Variants in XRN1 observed in about 807,000 individuals in gnomAD.
The protein encoded by XRN1 is 5'-3' exoribonuclease 1, also known as strand-exchange protein 1 homolog.
Under a neutral mutation model 222.3 loss-of-function variants are expected in XRN1, and 67 were observed. The ratio of observed to expected loss-of-function variants is 0.30; its 90% CI spans 0.25 to 0.37. XRN1 has a LOEUF of 0.37. Ranked by LOEUF, XRN1 falls within the 10% of genes least tolerant of loss-of-function variation. The pLI is 1.00. For missense variants in XRN1, 1,707 were observed against 2,000.2 expected, an observed-to-expected ratio of 0.85 and a Z score of 2.80; for synonymous variants, 643 against 652.4, an observed-to-expected ratio of 0.99 and a Z score of 0.22.
chr3:142,335,884 C>A (rs899519935), intron 33 of XRN1, among the ~76,000 whole-genome samples: 4 of 152,128 alleles, frequency 2.6e-5, no homozygotes, highest in African/African-American at 9.7e-5. Flanking sequence ...CCATAATCTG[C>A]AAGTCACTGA....
chr3:142,340,876 C>G (rs566011916), intron 33 of XRN1, among the ~76,000 whole-genome samples: 1 of 152,182 alleles, frequency 6.6e-6, no homozygotes, highest in East Asian at 1.9e-4. Flanking sequence ...CAAACAAAAG[C>G]TGAGGAATTT....
chr3:142,345,839 C>T (rs1453218825), intron 33 of XRN1, among the ~76,000 whole-genome samples: 1 of 152,098 alleles, frequency 6.6e-6, no homozygotes, highest in Non-Finnish European at 1.5e-5. Context: ...AAGAACATTC[C>T]ACCTCACACC....
At chr3:142,325,438 A>T (rs549754426) in intron 37 of XRN1, among the ~76,000 whole-genome samples, 2 of 152,178 alleles carry the variant, frequency 1.3e-5, no homozygotes, top group Non-Finnish European at 2.9e-5. Context: ...TTAAAAATTC[A>T]ACTTTTGTTT....
At chr3:142,364,266 G>A (rs1296397670) in intron 29 of XRN1, among the ~76,000 whole-genome samples, 1 of 152,196 alleles carries the variant, frequency 6.6e-6, no homozygotes, top group Non-Finnish European at 1.5e-5. Context: ...TTCGGTGCCT[G>A]GGATATATAT....
intron 20 of XRN1, among the ~76,000 whole-genome samples, chr3:142,387,454 T>C (rs1577342483): frequency 6.6e-6 from 1 of 152,206 alleles, no homozygotes; most frequent in Non-Finnish European, 1.5e-5. Flanking sequence ...AATATACTTA[T>C]GATTAATACA....
chr3:142,396,853 A>G (rs1053247224), intron 20 of XRN1, among the ~76,000 whole-genome samples: 10 of 152,136 alleles, frequency 6.6e-5, no homozygotes, highest in Non-Finnish European at 8.8e-5. Flanking sequence ...TGATCCTGAA[A>G]ACCAACATTC....
At chr3:142,323,896 CATA>C (rs2065435777) in intron 37 of XRN1, among the ~76,000 whole-genome samples, 1 of 151,362 alleles carries the variant, frequency 6.6e-6, no homozygotes, top group African/African-American at 2.4e-5. Flanking sequence ...TTTATGAATA[CATA>C]ATAATTATAA....
At chr3:142,405,146 C>A (rs2068295679) in intron 15 of XRN1, 70 bp from the exon 16 acceptor site, 1 of 1,474,028 alleles carries the variant, frequency 6.8e-7, no homozygotes, top group African/African-American at 1.4e-5. Context: ...CAGAATAAGT[C>A]TTTTTCCTCC....
At chr3:142,439,931 T>C (rs975049351) in intron 1 of XRN1, among the ~76,000 whole-genome samples, 1 of 152,168 alleles carries the variant, frequency 6.6e-6, no homozygotes, top group African/African-American at 2.4e-5. Flanking sequence ...TCCATGCCCC[T>C]TATGTCAAGG....
intron 37 of XRN1, among the ~76,000 whole-genome samples, chr3:142,326,156 A>ATT (rs746915146): frequency 1.4e-5 from 2 of 139,920 alleles, no homozygotes; most frequent in Non-Finnish European, 3.1e-5. Context: ...AAATTTTAGG[A>ATT]TTTTTTTTTT....
Position 142,375,790 on chromosome 3 carries a change from G to A in XRN1, c.2978+8C>T, listed in dbSNP as rs1022459849. 8.1e-6 allele frequency: 13 copies of A among 1,610,398 alleles called. No homozygotes were observed. The African/African-American group carries it at 1.5e-4, about 18-fold the overall frequency. ...GGAATGACTACTAGTATCTTATTATGTACTTACCTCTCTAAGTACTCTGCC... is the reference window on the plus strand; with the variant it reads ...GGAATGACTACTAGTATCTTATTATATACTTACCTCTCTAAGTACTCTGCC... On this transcript the variant is annotated splice_region_variant and intron_variant, in intron 25 of 40. Coordinates refer to ENST00000392981, the MANE Select transcript of XRN1 (RefSeq NM_001282857.2).
At chr3:142,438,841 G>A (rs184020895) in intron 1 of XRN1, among the ~76,000 whole-genome samples, 77 of 152,126 alleles carry the variant, frequency 5.1e-4, no homozygotes, top group Middle Eastern at 6.8e-3. Context: ...GAGACAACTC[G>A]CAATTATGTA....
chr3:142,327,791 A>C (rs2107901372), intron 37 of XRN1, among the ~76,000 whole-genome samples: 1 of 152,286 alleles, frequency 6.6e-6, no homozygotes, highest in South Asian at 2.1e-4. Context: ...TGTACACTGC[A>C]TACATTGCAG....
chr3:142,353,366 T>C (rs1032046199), intron 32 of XRN1, among the ~76,000 whole-genome samples: 9 of 152,198 alleles, frequency 5.9e-5, no homozygotes, highest in African/African-American at 1.9e-4. Flanking sequence ...AAGGCAATTT[T>C]AAACAAAAAG....
intron 35 of XRN1, 79 bp downstream of exon 35, chr3:142,332,888 G>A (rs923552584): frequency 5.9e-6 from 9 of 1,537,252 alleles, no homozygotes; most frequent in African/African-American, 2.8e-5. Flanking sequence ...GGAAGTGTTT[G>A]AACACTTGCA....
At chr3:142,341,905 T>G (rs75714959) in intron 33 of XRN1, among the ~76,000 whole-genome samples, 2 of 152,026 alleles carry the variant, frequency 1.3e-5, no homozygotes, top group Non-Finnish European at 2.9e-5. Context: ...AAAAATATAT[T>G]TCCAACACTG....
rs1041490743 is a variant in XRN1 at position 142,401,541 on chromosome 3, G to A, written c.2104-994C>T. Reference sequence around the variant, plus strand: ...CAGCCTGGCCAAGATGGTGAAACCCGGTCTCTACTAAAAATACAAAAAAAA... The same window carrying A: ...CAGCCTGGCCAAGATGGTGAAACCCAGTCTCTACTAAAAATACAAAAAAAA... On this transcript the variant is annotated intron_variant, in intron 18 of 40. Coordinates refer to ENST00000392981, the MANE Select transcript of XRN1 (RefSeq NM_001282857.2). Among the ~76,000 whole-genome samples the A allele has an allele frequency of 4.6e-4, 70 of 151,804 alleles. 3 individuals carry two copies. Among genetic ancestry groups the A allele is most frequent in the Non-Finnish European group, 5.9e-5 (4 of 67,942 alleles).
intron 32 of XRN1, among the ~76,000 whole-genome samples, chr3:142,351,076 A>G (rs567910250): frequency 6.6e-6 from 1 of 152,202 alleles, no homozygotes; most frequent in Non-Finnish European, 1.5e-5. Flanking sequence ...TATCTATCTT[A>G]TCTAAATCTA....
chr3:142,421,813 G>A (rs1213051336), intron 8 of XRN1, among the ~76,000 whole-genome samples: 1 of 151,862 alleles, frequency 6.6e-6, no homozygotes, highest in Non-Finnish European at 1.5e-5. Context: ...ATTAAATATG[G>A]TCTATAATCT....
Sources: allele counts gnomAD v4.1 joint callset (sites outside exome capture counted in the v4.1 genomes callset), GRCh38; gene constraint gnomAD v4.1.1; transcripts MANE v1.5; gene names NCBI Gene and HGNC (gene_info 2026-07-23, HGNC 2026-07-21).